The following MOV10L1 variants were observed in gnomAD, a reference collection of about 807,000 sequenced individuals.
The protein encoded by MOV10L1 is RNA helicase Mov10l1.
Under a neutral mutation model 143.8 loss-of-function variants are expected in MOV10L1, and 110 were observed. The observed-to-expected ratio is 0.76, with a 90% CI of 0.66 to 0.90. The LOEUF (loss-of-function observed/expected upper bound fraction) is 0.90. Among genes scored for constraint, MOV10L1 ranks in the 40% least tolerant of loss-of-function variants. The pLI is 0.00. For synonymous variants in MOV10L1, 593 were observed against 581.1 expected, an observed-to-expected ratio of 1.02 and a Z score of -0.29; for missense variants, 1,406 against 1,526.8, an observed-to-expected ratio of 0.92 and a Z score of 1.32.
At chr22:50,123,383 G>T (rs1329682037) in intron 10 of MOV10L1, among the ~76,000 whole-genome samples, 1 of 151,272 alleles carries the variant, frequency 6.6e-6, no homozygotes, top group Non-Finnish European at 1.5e-5. Context: ...TATGTTTTTT[G>T]AGACAGGGTC....
intron 5 of MOV10L1, among the ~76,000 whole-genome samples, chr22:50,110,994 C>A (rs945600343): frequency 2.6e-5 from 4 of 152,168 alleles, no homozygotes; most frequent in South Asian, 2.1e-4. Flanking sequence ...CTAGCCATGA[C>A]GAGGCTTCCC....
intron 22 of MOV10L1, among the ~76,000 whole-genome samples, chr22:50,156,596 T>C (rs2063433814): frequency 6.6e-6 from 1 of 152,220 alleles, no homozygotes; most frequent in Admixed American, 6.5e-5. Flanking sequence ...TCTAGGTACT[T>C]CATACAAGTG....
intron 12 of MOV10L1, 67 bp from the exon 13 acceptor site, chr22:50,128,349 A>T (rs189672814): frequency 2.2e-6 from 2 of 893,448 alleles, no homozygotes; most frequent in Non-Finnish European, 1.8e-6. Context: ...ATTTTTGATG[A>T]TGTGTCGCTA....
chr22:50,148,100 T>G (rs911001188), intron 19 of MOV10L1, among the ~76,000 whole-genome samples: 10 of 152,230 alleles, frequency 6.6e-5, no homozygotes, highest in Non-Finnish European at 1.3e-4. Flanking sequence ...GATCCTGGAA[T>G]CAGCAGTGAG....
chr22:50,154,519 G>A (rs2063377883), intron 22 of MOV10L1, among the ~76,000 whole-genome samples: 1 of 152,098 alleles, frequency 6.6e-6, no homozygotes, highest in Non-Finnish European at 1.5e-5. Context: ...AGTGAGCTAT[G>A]ATTGCACCAC....
At chr22:50,102,419 A>C (rs937196001) in intron 3 of MOV10L1, among the ~76,000 whole-genome samples, 5 of 152,162 alleles carry the variant, frequency 3.3e-5, no homozygotes, top group African/African-American at 1.2e-4. Flanking sequence ...TTTATTTATA[A>C]CTTCTGACCT....
intron 9 of MOV10L1, 89 bp from the exon 10 acceptor site, chr22:50,120,413 C>A: frequency 1.2e-6 from 1 of 852,764 alleles, no homozygotes; most frequent in South Asian, 1.6e-5. Context: ...TTTGGTCTTC[C>A]TAAAATAGGA....
chr22:50,104,814 G>A (rs1299950122), intron 3 of MOV10L1, among the ~76,000 whole-genome samples: 3 of 151,564 alleles, frequency 2.0e-5, no homozygotes, highest in East Asian at 3.9e-4. Flanking sequence ...CTATAATTGC[G>A]TGGTGTCGTC....
At chr22:50,146,280 C>T (rs959238587) in intron 19 of MOV10L1, among the ~76,000 whole-genome samples, 1 of 151,940 alleles carries the variant, frequency 6.6e-6, no homozygotes, top group Non-Finnish European at 1.5e-5. Context: ...AACGGCTGGG[C>T]TCTGTAAGGT....
intron 2 of MOV10L1, 70 bp downstream of exon 2, chr22:50,092,255 T>A: frequency 7.0e-7 from 1 of 1,429,746 alleles, no homozygotes; most frequent in Non-Finnish European, 9.7e-7. Context: ...TCCTTGTGTT[T>A]AATCTATCAG....
At chr22:50,157,641 A>G (rs923298499) in intron 22 of MOV10L1, among the ~76,000 whole-genome samples, 1 of 151,668 alleles carries the variant, frequency 6.6e-6, no homozygotes, top group Non-Finnish European at 1.5e-5. Flanking sequence ...GTTTATTTCT[A>G]AGTTCTCCGT....
chr22:50,105,302 A>G lies in MOV10L1; in HGVS notation c.443-2834A>G, dbSNP rs56062036. Reference sequence around the variant, plus strand: ...TGTTCAAACATTTTTACAAGCTGACATTCATCAAGTAAGTTGTCTCTGTCA... The same window carrying G: ...TGTTCAAACATTTTTACAAGCTGACGTTCATCAAGTAAGTTGTCTCTGTCA... On this transcript the variant is annotated intron_variant, in intron 3 of 26. Coordinates refer to ENST00000262794, the MANE Select transcript of MOV10L1 (RefSeq NM_018995.3). Among the ~76,000 whole-genome samples, 850 of 152,312 alleles carry G rather than the reference A, an allele frequency of 5.6e-3. 5 individuals are homozygous for G. Among genetic ancestry groups the G allele is most frequent in the African/African-American group, 0.019 (806 of 41,556 alleles).
Position 50,108,851 on chromosome 22 carries a change from A to G in MOV10L1, c.743+7A>G, listed in dbSNP as rs1163046573. 1 of 1,613,612 alleles carries G rather than the reference A, an allele frequency of 6.2e-7. No homozygotes were observed. The highest frequency in any genetic ancestry group is 8.5e-7 in the Non-Finnish European group (1 of 1,179,638). ...TGACCCTAGTGAAGAGGCGGTAAGA[A>G]AATGCTTTTCTGGCCAGGTGCGGTG... On this transcript the variant is annotated splice_region_variant and intron_variant, in intron 5 of 26. Transcript: ENST00000262794.
chr22:50,112,164 C>A (rs1389005580), intron 5 of MOV10L1, among the ~76,000 whole-genome samples: 1 of 152,230 alleles, frequency 6.6e-6, no homozygotes, highest in East Asian at 1.9e-4. Flanking sequence ...CCCAGTTCCC[C>A]CTCCCCACTG....
intron 12 of MOV10L1, among the ~76,000 whole-genome samples, chr22:50,127,779 G>T (rs13053646): frequency 6.8e-6 from 1 of 146,980 alleles, no homozygotes; most frequent in African/African-American, 2.5e-5. Context: ...TGTTTTTTTT[G>T]TTTTTTTTTT....
intron 20 of MOV10L1, among the ~76,000 whole-genome samples, 183 bp downstream of exon 20, chr22:50,149,897 T>A (rs995435266): frequency 1.3e-5 from 2 of 152,246 alleles, no homozygotes; most frequent in African/African-American, 4.8e-5. Context: ...TAGAAGTGAA[T>A]GTCTTGACTC....
chr22:50,139,574 C>G (rs945710402), intron 15 of MOV10L1, among the ~76,000 whole-genome samples: 1 of 151,574 alleles, frequency 6.6e-6, no homozygotes, highest in African/African-American at 2.4e-5. Context: ...AAAAAAGACA[C>G]TGGTAAGACA....
chr22:50,143,564 A>G (rs923919708), intron 17 of MOV10L1, among the ~76,000 whole-genome samples: 13 of 152,190 alleles, frequency 8.5e-5, no homozygotes, highest in Admixed American at 1.3e-4. Flanking sequence ...TTATGAAACT[A>G]TTGTCTACAG....
At chr22:50,108,316 G>A (rs1166624456) in intron 4 of MOV10L1, 68 bp downstream of exon 4, 1 of 1,382,216 alleles carries the variant, frequency 7.2e-7, no homozygotes, top group Non-Finnish European at 1.0e-6. Flanking sequence ...AACTTGCACG[G>A]CCCAGGCTTC....
Sources: gnomAD v4.1 joint callset for allele counts (sites outside exome capture counted in the v4.1 genomes callset) on GRCh38, gnomAD v4.1.1 for gene constraint, MANE v1.5 for transcripts, NCBI Gene and HGNC (gene_info 2026-07-23, HGNC 2026-07-21) for gene names.